Variants in NDUFS5 observed in about 807,000 individuals in gnomAD.
NDUFS5 encodes NADH:ubiquinone oxidoreductase subunit S5.
In NDUFS5, 7 loss-of-function variants were observed where a neutral mutation model predicts 10.5. The observed-to-expected ratio is 0.66, with a 90% CI of 0.38 to 1.25. NDUFS5 has a LOEUF of 1.25. Ranked by LOEUF, NDUFS5 falls within the 50% of genes most tolerant of loss-of-function variation. The pLI, the probability that NDUFS5 is intolerant of heterozygous loss-of-function variation, is 0.02. For synonymous variants in NDUFS5, 38 were observed against 44.0 expected (o/e 0.86, Z 0.54); for missense variants, 148 against 140.7 (o/e 1.05, Z -0.26).
At chr1:39,026,709 G>A (rs1644151120) in intron 1 of NDUFS5, among the ~76,000 whole-genome samples, 1 of 152,180 alleles carries the variant, frequency 6.6e-6, no homozygotes, top group African/African-American at 2.4e-5. Flanking sequence ...TTTCGGCCCC[G>A]CCGGCCTCCT....
intron 1 of NDUFS5, among the ~76,000 whole-genome samples, chr1:39,026,969 CT>C (rs1314381640): frequency 6.6e-6 from 1 of 152,248 alleles, no homozygotes; most frequent in Non-Finnish European, 1.5e-5. Context: ...GTGTGTGTCT[CT>C]GGTGCTTACG....
chr1:39,027,581 G>GTTTTT (rs760373747), intron 1 of NDUFS5, among the ~76,000 whole-genome samples: 6 of 91,134 alleles, frequency 6.6e-5, no homozygotes, highest in Non-Finnish European at 8.8e-5. Context: ...TTTCGCTCTG[G>GTTTTT]TTTTTTTTTT....
At chr1:39,032,498 C>T (rs1304425582) in intron 2 of NDUFS5, among the ~76,000 whole-genome samples, 1 of 151,882 alleles carries the variant, frequency 6.6e-6, no homozygotes, top group African/African-American at 2.4e-5. Context: ...AGACGTTTAA[C>T]TGAATATACT....
rs1156801813 is a variant in NDUFS5, at chr1:39,027,812, TTC to T, written c.-2-909_-2-908del. ...GATCCAAATTCTTTTTTTCTTCTTC[TTC>T]TTTTTTTTTTTTTTTTTTTTTTGAG... On this transcript the variant is annotated intron_variant, in intron 1 of 2. Transcript: ENST00000372969. 1.7e-3 allele frequency among the ~76,000 whole-genome samples: 54 copies of T among 32,636 alleles called. 6 individuals carry two copies. Among genetic ancestry groups the T allele is most frequent in the East Asian group, 2.4e-3 (3 of 1,274 alleles). The allele number at this position is 32,636 out of a possible 152,430, so 21.4% of individuals were successfully genotyped here.
chr1:39,028,729 C>G lies in NDUFS5; in HGVS notation c.5C>G (p.Pro2Arg). 6.2e-7 allele frequency: 1 copy of G among 1,613,894 alleles called. No individual in the cohort carries two copies. The highest frequency in any genetic ancestry group is 8.5e-7 in the Non-Finnish European group (1 of 1,179,928). Residue 2 changes from proline (P) to arginine (R), a missense_variant, in exon 2 of 3, where the codon CCT becomes CGT. Pro to Arg is a moderately radical substitution (Grantham distance 103). Transcript: ENST00000372969. Reference protein sequence around the residue: MPFLDIQKRFGL... With the variant: MRFLDIQKRFGL... ...TTTAAATCTTCCATTACAGCCATGC[C>G]TTTCTTGGACATCCAGAAAAGGTTC...
chr1:39,032,554 T>A (rs1644196532), intron 2 of NDUFS5, among the ~76,000 whole-genome samples: 1 of 151,912 alleles, frequency 6.6e-6, no homozygotes, highest in Non-Finnish European at 1.5e-5. Flanking sequence ...TTAAAAAAAT[T>A]ATGTCAGAAA....
chr1:39,032,286 C>T (rs1380386841), intron 2 of NDUFS5, among the ~76,000 whole-genome samples: 1 of 152,168 alleles, frequency 6.6e-6, no homozygotes. Flanking sequence ...GGCTTCAATA[C>T]CTATGCTTTT....
Position 39,028,828 on chromosome 1 carries a change from CT to C in NDUFS5, c.108del (p.Phe36LeufsTer6), listed in dbSNP as rs763457907. ...TACAAGATGGCTGGTCGATGCCATG[CT>C]TTTGAAAAAGAATGGATAGAATGTG... The part of the protein sequence containing the change: ...QPYKMAGRCH[A>X]FEKEWIECAH... On this transcript the variant is annotated frameshift_variant, in exon 2 of 3. Transcript: ENST00000372969. LOFTEE classifies it high-confidence loss of function. 2 of 1,613,998 alleles carry C rather than the reference CT, an allele frequency of 1.2e-6. No homozygotes were observed. The highest frequency in any genetic ancestry group is 3.3e-5 in the Admixed American group (2 of 59,992).
Position 39,028,945 on chromosome 1 carries a change from G to T in NDUFS5, c.216+5G>T. The T allele has an allele frequency of 6.2e-7, 1 of 1,612,218 alleles. No homozygotes were observed. Among genetic ancestry groups the T allele is most frequent in the South Asian group, 1.1e-5 (1 of 90,968 alleles). Reference sequence around the variant, plus strand: ...TGTTTGCTTCGGCAGAAAACGGTAAGGAAATGATGGAGGTGGAAGCTGAAT... The same window carrying T: ...TGTTTGCTTCGGCAGAAAACGGTAATGAAATGATGGAGGTGGAAGCTGAAT... On this transcript the variant is annotated splice_donor_5th_base_variant and intron_variant, in intron 2 of 2. Transcript: ENST00000372969.
chr1:39,027,563 C>T (rs1644158363), intron 1 of NDUFS5, among the ~76,000 whole-genome samples: 1 of 145,272 alleles, frequency 6.9e-6, no homozygotes, highest in South Asian at 2.1e-4. Context: ...TAAGTCTTAA[C>T]CCATTTCTTT....
Position 39,027,581 on chromosome 1 carries a change from G to GTTTTTTTTTTTTTTTTTT in NDUFS5, c.-2-1127_-2-1126insTTTTTTTTTTTTTTTTTT, listed in dbSNP as rs760373747. Among the ~76,000 whole-genome samples, 80 of 91,152 alleles carry GTTTTTTTTTTTTTTTTTT rather than the reference G, an allele frequency of 8.8e-4. 11 individuals are homozygous for GTTTTTTTTTTTTTTTTTT. Among genetic ancestry groups the GTTTTTTTTTTTTTTTTTT allele is most frequent in the Non-Finnish European group, 1.3e-3 (60 of 45,274 alleles). The allele number at this position is 91,152 out of a possible 152,430, so 59.8% of individuals were successfully genotyped here. ...GTCTTAACCCATTTCTTTCGCTCTG[G>GTTTTTTTTTTTTTTTTTT]TTTTTTTTTTTTTTTGAGACAGGAT... On this transcript the variant is annotated intron_variant, in intron 1 of 2. Transcript: ENST00000372969.
chr1:39,032,581 G>A (rs57030959), intron 2 of NDUFS5, among the ~76,000 whole-genome samples: 17,252 of 138,710 alleles, frequency 0.12, 1,228 homozygotes, highest in Non-Finnish European at 0.17. Context: ...TAGGCACTAG[G>A]AATACAGTAA....
chr1:39,034,320 ATC>A lies in NDUFS5; in HGVS notation c.217-70_217-69del, dbSNP rs1261617750. Reference sequence around the variant, plus strand: ...TAGTTTAAAAATGAAACCAAAATTGATCTGTTTTTCCAGTTCTCACTTTTTGG... The same window carrying A: ...TAGTTTAAAAATGAAACCAAAATTGATGTTTTTCCAGTTCTCACTTTTTGG... On this transcript the variant is annotated intron_variant, in intron 2 of 2. Transcript: ENST00000372969. The A allele has an allele frequency of 3.4e-6, 5 of 1,450,558 alleles. No homozygotes were observed. The African/African-American group carries it at 7.0e-5, about 20-fold the overall frequency. 89.9% of individuals were successfully genotyped at this position (1,450,558 alleles called of 1,614,324 possible).
intron 2 of NDUFS5, among the ~76,000 whole-genome samples, chr1:39,029,716 G>A (rs999978832): frequency 1.3e-5 from 2 of 152,202 alleles, no homozygotes; most frequent in African/African-American, 4.8e-5. Flanking sequence ...AGATGGAGGT[G>A]TTAATGAGAT....
chr1:39,029,028 T>G, intron 2 of NDUFS5, 88 bp downstream of exon 2: 1 of 1,248,378 alleles, frequency 8.0e-7, no homozygotes, highest in Non-Finnish European at 1.1e-6. Context: ...GTCTCACTCT[T>G]GTCCCCTAGG....
chr1:39,028,847 A>G lies in NDUFS5; in HGVS notation c.123A>G (p.Ile41Met). Residue 41 changes from isoleucine (I) to methionine (M), a missense_variant, in exon 2 of 3, where the codon ATA becomes ATG. Ile to Met is a conservative substitution (Grantham distance 10). Coordinates refer to ENST00000372969, the MANE Select transcript of NDUFS5 (RefSeq NM_004552.3). The part of the protein sequence containing the change: ...GRCHAFEKEW[I>M]ECAHGIGYTR... The stretch of plus-strand genomic sequence containing the variant: ...GCCATGCTTTTGAAAAAGAATGGAT[A>G]GAATGTGCACATGGAATCGGTTATA... The G allele has an allele frequency of 6.2e-7, 1 of 1,614,176 alleles. No homozygotes were observed. The highest frequency in any genetic ancestry group is 8.5e-7 in the Non-Finnish European group (1 of 1,180,018).
intron 2 of NDUFS5, among the ~76,000 whole-genome samples, chr1:39,032,611 A>T (rs1397581605): frequency 2.6e-5 from 4 of 152,294 alleles, no homozygotes; most frequent in South Asian, 2.1e-4. Context: ...CAAAAAAAAA[A>T]AATCTCAGAG....
intron 2 of NDUFS5, 87 bp downstream of exon 2, chr1:39,029,027 T>C: frequency 8.0e-7 from 1 of 1,253,392 alleles, no homozygotes; most frequent in Non-Finnish European, 1.1e-6. Flanking sequence ...AGTCTCACTC[T>C]TGTCCCCTAG....
intron 2 of NDUFS5, among the ~76,000 whole-genome samples, chr1:39,029,256 GTA>G (rs1488014098): frequency 1.3e-5 from 2 of 152,118 alleles, no homozygotes; most frequent in Non-Finnish European, 2.9e-5. Context: ...GCCTCCCAAA[GTA>G]GTGGGATCAC....
Sources: allele counts gnomAD v4.1 joint callset (sites outside exome capture counted in the v4.1 genomes callset), GRCh38; gene constraint gnomAD v4.1.1; transcripts MANE v1.5; gene names NCBI Gene and HGNC (gene_info 2026-07-23, HGNC 2026-07-21).